The following DNAH7 variants were observed in gnomAD, a reference collection of about 807,000 sequenced individuals.
The protein encoded by DNAH7 is axonemal beta dynein heavy chain 7.
Under a neutral mutation model 444.6 loss-of-function variants are expected in DNAH7, and 397 were observed. The ratio of observed to expected loss-of-function variants is 0.89; its 90% CI spans 0.82 to 0.97. DNAH7 has a LOEUF of 0.97. Among genes scored for constraint, DNAH7 ranks in the 50% least tolerant of loss-of-function variants. DNAH7 has a pLI of 0.00. For synonymous variants in DNAH7, 1,636 were observed against 1,624.4 expected (o/e 1.01, Z -0.17); for missense variants, 4,902 against 4,800.8 (o/e 1.02, Z -0.62).
chr2:196,023,308 T>A (rs921833781), intron 8 of DNAH7, among the ~76,000 whole-genome samples: 2 of 152,158 alleles, frequency 1.3e-5, no homozygotes, highest in Admixed American at 6.6e-5. Context: ...GTCAAGCAGG[T>A]GCCAGCAACA....
chr2:195,819,756 G>C (rs1267414347), intron 49 of DNAH7, among the ~76,000 whole-genome samples: 1 of 152,132 alleles, frequency 6.6e-6, no homozygotes, highest in Non-Finnish European at 1.5e-5. Context: ...TAAAACTTAA[G>C]CGTGATCAGC....
chr2:195,782,288 T>C (rs1331067928), intron 58 of DNAH7, among the ~76,000 whole-genome samples: 1 of 152,182 alleles, frequency 6.6e-6, no homozygotes, highest in Non-Finnish European at 1.5e-5. Flanking sequence ...TGAATCCACA[T>C]TCCGCAAAGA....
intron 28 of DNAH7, 48 bp from the exon 29 acceptor site, chr2:195,897,813 G>T: frequency 9.2e-7 from 1 of 1,087,094 alleles, no homozygotes; most frequent in Non-Finnish European, 1.4e-6. Flanking sequence ...TCTCCTAACA[G>T]CACCTACCCG....
chr2:195,856,892 T>C (rs1699746413), intron 44 of DNAH7, among the ~76,000 whole-genome samples: 1 of 152,142 alleles, frequency 6.6e-6, no homozygotes, highest in South Asian at 2.1e-4. Context: ...AAGCAGATTT[T>C]GGTGTCTGGC....
chr2:195,922,150 T>A lies in DNAH7; in HGVS notation c.3873A>T (p.Gly1291=), dbSNP rs1295508757. 6.2e-7 allele frequency: 1 copy of A among 1,613,472 alleles called. No homozygotes were observed. Among genetic ancestry groups the A allele is most frequent in the Non-Finnish European group, 8.5e-7 (1 of 1,179,426 alleles). Residue 1291 remains glycine (G), a synonymous_variant, in exon 24 of 65, where the codon GGA becomes GGT. Coordinates refer to ENST00000312428, the MANE Select transcript of DNAH7 (RefSeq NM_018897.3). ...TAGGGGAATTACCCAGATATTCATA[T>A]CCATATCGCAAACCAGCATTGATCA... The part of the protein sequence containing the change: ...TKMINAGLRY[G]YEYLGNSPRL...
At chr2:195,810,896 TG>T (rs1696939045) in intron 51 of DNAH7, among the ~76,000 whole-genome samples, 1 of 152,226 alleles carries the variant, frequency 6.6e-6, no homozygotes, top group African/African-American at 2.4e-5. Context: ...TTGTCTCACT[TG>T]TAGCAGTACC....
intron 14 of DNAH7, 72 bp downstream of exon 14, chr2:195,986,994 C>A: frequency 7.5e-7 from 1 of 1,332,094 alleles, no homozygotes; most frequent in South Asian, 1.7e-5. Context: ...ATCAATTACT[C>A]TAGTTGAGTG....
At chr2:195,999,369 C>G (rs1693903254) in intron 12 of DNAH7, 3 of 617,104 alleles carry the variant, frequency 4.9e-6, no homozygotes, top group Non-Finnish European at 8.7e-6. Flanking sequence ...AAGAATTCAG[C>G]TAAAAATGGT....
chr2:196,041,860 A>T (rs1167157919), intron 5 of DNAH7, among the ~76,000 whole-genome samples: 1 of 151,578 alleles, frequency 6.6e-6, no homozygotes, highest in Non-Finnish European at 1.5e-5. Flanking sequence ...ACTCAACAAC[A>T]AATAATAATA....
At chr2:195,786,166 A>C (rs1695612900) in intron 58 of DNAH7, among the ~76,000 whole-genome samples, 1 of 152,208 alleles carries the variant, frequency 6.6e-6, no homozygotes, top group East Asian at 1.9e-4. Context: ...ACTTTTATAG[A>C]GATAGAATCC....
At chr2:196,025,624 T>C (rs1332130629) in intron 7 of DNAH7, among the ~76,000 whole-genome samples, 1 of 152,212 alleles carries the variant, frequency 6.6e-6, no homozygotes, top group African/African-American at 2.4e-5. Flanking sequence ...TCCAGAGTCC[T>C]TCCTAACAAG....
intron 15 of DNAH7, among the ~76,000 whole-genome samples, chr2:195,973,208 C>CA (rs1486129209): frequency 2.0e-5 from 3 of 152,134 alleles, no homozygotes; most frequent in African/African-American, 7.2e-5. Flanking sequence ...GGCTTTGTTT[C>CA]ATTTATCCCA....
At chr2:195,871,702 A>AAACTGGTTCAAAGTGACACCT (rs1700703257) in intron 40 of DNAH7, among the ~76,000 whole-genome samples, 1 of 131,320 alleles carries the variant, frequency 7.6e-6, no homozygotes. Context: ...TACTTAAGGG[A>AAACTGGTTCAAAGTGACACCT]AGGCGGATCA....
intron 55 of DNAH7, among the ~76,000 whole-genome samples, chr2:195,797,681 C>G (rs541426697): frequency 6.6e-6 from 1 of 152,316 alleles, no homozygotes; most frequent in East Asian, 1.9e-4. Flanking sequence ...AGCCAACGCC[C>G]TTACTAGGGG....
intron 11 of DNAH7, among the ~76,000 whole-genome samples, chr2:196,001,336 A>G (rs1337320867): frequency 6.6e-6 from 1 of 152,138 alleles, no homozygotes; most frequent in Non-Finnish European, 1.5e-5. Flanking sequence ...TAGTCATGAC[A>G]ATCATATATC....
intron 57 of DNAH7, among the ~76,000 whole-genome samples, chr2:195,793,774 T>TA (rs1696005168): frequency 6.6e-6 from 1 of 152,174 alleles, no homozygotes; most frequent in South Asian, 2.1e-4. Context: ...AAAGAAACTC[T>TA]TCCATTTTTA....
intron 51 of DNAH7, among the ~76,000 whole-genome samples, chr2:195,815,105 A>G (rs1697161498): frequency 6.6e-6 from 1 of 151,500 alleles, no homozygotes; most frequent in South Asian, 2.1e-4. Context: ...TGAAAACCAG[A>G]CATGCATGTT....
intron 5 of DNAH7, among the ~76,000 whole-genome samples, chr2:196,040,486 T>C (rs1439019059): frequency 6.6e-6 from 1 of 152,156 alleles, no homozygotes; most frequent in African/African-American, 2.4e-5. Context: ...ACAATCATCT[T>C]AATAGATGTG....
chr2:196,013,668 G>A (rs1304928004), intron 9 of DNAH7, among the ~76,000 whole-genome samples: 2 of 152,042 alleles, frequency 1.3e-5, no homozygotes, highest in Non-Finnish European at 2.9e-5. Flanking sequence ...AATGTACTCC[G>A]TACATGACAT....
Sources: gnomAD v4.1 joint callset for allele counts (sites outside exome capture counted in the v4.1 genomes callset) on GRCh38, gnomAD v4.1.1 for gene constraint, MANE v1.5 for transcripts, NCBI Gene and HGNC (gene_info 2026-07-23, HGNC 2026-07-21) for gene names.